MAP3K4: variants seen among roughly 807,000 people sequenced by gnomAD.
MAP3K4 encodes the protein mitogen-activated protein kinase kinase kinase 4.
A neutral mutation model predicts 185.6 loss-of-function variants in MAP3K4; 67 were observed. That is an observed-to-expected ratio of 0.36 (90% CI 0.30 to 0.44). The LOEUF is 0.44. MAP3K4 is among the 20% of genes least tolerant of loss of function. The pLI is 1.00. For synonymous variants in MAP3K4, 702 were observed against 710.4 expected, an observed-to-expected ratio of 0.99 and a Z score of 0.19; for missense variants, 1,551 against 1,995.1, an observed-to-expected ratio of 0.78 and a Z score of 4.24.
chr6:161,089,012 A>G (rs1403841238), intron 10 of MAP3K4, among the ~76,000 whole-genome samples: 1 of 151,588 alleles, frequency 6.6e-6, no homozygotes, highest in African/African-American at 2.4e-5. Context: ...ACACATGCAC[A>G]CATACACACA....
In MAP3K4 at chr6:161,071,027, C is replaced by T. The variant is rs983325781; in HGVS notation, c.1950+177C>T. On this transcript the variant is annotated intron_variant, in intron 4 of 26. Transcript: ENST00000392142. The surrounding 1 kb of genome is among the most constrained non-coding windows in gnomAD (Gnocchi z 4.6). ...GGTAATTAAAAATGTTCTTTATATGCGGTCCTCAAAGGTAAGATTGTGGTT... is the reference window on the plus strand; with the variant it reads ...GGTAATTAAAAATGTTCTTTATATGTGGTCCTCAAAGGTAAGATTGTGGTT... 6.6e-6 allele frequency among the ~76,000 whole-genome samples: 1 copy of T among 151,880 alleles called. No homozygotes were observed. The highest frequency in any genetic ancestry group is 1.5e-5 in the Non-Finnish European group (1 of 67,990).
rs893310483 is a variant in MAP3K4 at position 161,063,413 on chromosome 6, T to G, written c.1708-7195T>G. ...GCTAGATTCTACTACAGTTCTTTTC[T>G]GTTGCTTATTTTTAAACATGATACT... is the stretch of plus-strand genomic sequence containing the variant. On this transcript the variant is annotated intron_variant, in intron 3 of 26. Coordinates refer to ENST00000392142, the MANE Select transcript of MAP3K4 (RefSeq NM_005922.4). The surrounding 1 kb of genome is among the most constrained non-coding windows in gnomAD (Gnocchi z 5.4). Among the ~76,000 whole-genome samples, 4 of 152,152 alleles carry G rather than the reference T, an allele frequency of 2.6e-5. No individual in the cohort carries two copies. The highest frequency in any genetic ancestry group is 2.9e-5 in the Non-Finnish European group (2 of 68,028).
rs1165740591 is a variant in MAP3K4 at position 161,051,166 on chromosome 6, A to T, written c.1707+1187A>T. Reference sequence around the variant, plus strand: ...TTCTTCCCAAATATTTCTGATCTGCAGTTGGTTGAATTCATGGATGTGGAA... The same window carrying T: ...TTCTTCCCAAATATTTCTGATCTGCTGTTGGTTGAATTCATGGATGTGGAA... On this transcript the variant is annotated intron_variant, in intron 3 of 26. Coordinates refer to ENST00000392142, the MANE Select transcript of MAP3K4 (RefSeq NM_005922.4). The surrounding 1 kb of genome is among the most constrained non-coding windows in gnomAD (Gnocchi z 4.2). Among the ~76,000 whole-genome samples the T allele has an allele frequency of 1.3e-5, 2 of 152,234 alleles. No homozygotes were observed. Among genetic ancestry groups the T allele is most frequent in the South Asian group, 4.1e-4 (2 of 4,830 alleles).
At position 161,070,954 on chromosome 6, in the gene MAP3K4, A is replaced by G. The variant is rs1316300540; in HGVS notation, c.1950+104A>G. On this transcript the variant is annotated intron_variant, in intron 4 of 26. Coordinates refer to ENST00000392142, the MANE Select transcript of MAP3K4 (RefSeq NM_005922.4). This position sits in a 1 kb window ranked among gnomAD's most constrained non-coding sequence, Gnocchi z 4.5. Reference sequence around the variant, plus strand: ...CCTTTTTTTTTCTTAATTGTCGCAAATAGTGAAAAATGACTGTTTGTCCAT... The same window carrying G: ...CCTTTTTTTTTCTTAATTGTCGCAAGTAGTGAAAAATGACTGTTTGTCCAT... The G allele has an allele frequency of 9.3e-7, 1 of 1,076,788 alleles. No individual in the cohort carries two copies. Among genetic ancestry groups the G allele is most frequent in the Non-Finnish European group, 1.3e-6 (1 of 777,370 alleles). 66.7% of individuals were successfully genotyped at this position (1,076,788 alleles called of 1,614,324 possible).
At chr6:160,994,897 C>T (rs1007443118) in intron 1 of MAP3K4, among the ~76,000 whole-genome samples, 1 of 152,182 alleles carries the variant, frequency 6.6e-6, no homozygotes, top group African/African-American at 2.4e-5. Flanking sequence ...GACAAGGTTT[C>T]ACCAAGTTGG....
chr6:160,992,225 G>A (rs1780750344), intron 1 of MAP3K4, 142 bp downstream of exon 1: 6 of 1,186,570 alleles, frequency 5.1e-6, no homozygotes, highest in South Asian at 3.5e-5. Context: ...GGAGGGGCGC[G>A]GTGCATCCCT....
Position 161,112,845 on chromosome 6 carries a change from G to T in MAP3K4, c.4626+71G>T. 1.0e-6 allele frequency: 1 copy of T among 986,956 alleles called. No individual in the cohort carries two copies. The allele number at this position is 986,956 out of a possible 1,614,324, so 61.1% of individuals were successfully genotyped here. ...TGTGCATTAACAGAACAGTAGTTAT[G>T]GATTGATTATTTATTACAAACACTG... On this transcript the variant is annotated intron_variant, in intron 25 of 26. Transcript: ENST00000392142. The surrounding 1 kb of genome is among the most constrained non-coding windows in gnomAD (Gnocchi z 5.1).
chr6:161,032,489 T>C (rs926947582), intron 1 of MAP3K4, among the ~76,000 whole-genome samples: 1 of 152,224 alleles, frequency 6.6e-6, no homozygotes, highest in East Asian at 1.9e-4. Flanking sequence ...ATTTTGTAAA[T>C]GTACACAGAG....
At chr6:161,068,439 T>A (rs1199499222) in intron 3 of MAP3K4, among the ~76,000 whole-genome samples, 1 of 152,160 alleles carries the variant, frequency 6.6e-6, no homozygotes, top group Non-Finnish European at 1.5e-5. Context: ...GGCAGGTTTG[T>A]TATGGGTAAA....
In MAP3K4 at chr6:161,057,789, C is replaced by G. The variant is rs186878276; in HGVS notation, c.1707+7810C>G. Among the ~76,000 whole-genome samples, 96 of 152,336 alleles carry G rather than the reference C, an allele frequency of 6.3e-4. 1 individual carries two copies. Among genetic ancestry groups the G allele is most frequent in the Non-Finnish European group, 1.1e-3 (76 of 68,030 alleles). On this transcript the variant is annotated intron_variant, in intron 3 of 26. Coordinates refer to ENST00000392142, the MANE Select transcript of MAP3K4 (RefSeq NM_005922.4). Reference sequence around the variant, plus strand: ...GTCTGATTTCATAAGATTACAAGAACTTTGTAATTGAATGACACACTAACA... The same window carrying G: ...GTCTGATTTCATAAGATTACAAGAAGTTTGTAATTGAATGACACACTAACA...
At chr6:161,015,717 T>C (rs1020513588) in intron 1 of MAP3K4, among the ~76,000 whole-genome samples, 3 of 152,030 alleles carry the variant, frequency 2.0e-5, no homozygotes, top group African/African-American at 7.2e-5. Context: ...GGTGCCAGGC[T>C]CGTTTTAACA....
chr6:161,057,885 G>A (rs1377562173), intron 3 of MAP3K4, among the ~76,000 whole-genome samples: 8 of 152,212 alleles, frequency 5.3e-5, no homozygotes, highest in Non-Finnish European at 1.2e-4. Flanking sequence ...AGGAAAGTAG[G>A]AAGTTGTGTA....
rs3798914 is a variant in MAP3K4, at chr6:161,071,211, T to C, written c.1950+361T>C. Among the ~76,000 whole-genome samples the C allele has an allele frequency of 6.6e-6, 1 of 152,164 alleles. No individual in the cohort carries two copies. The highest frequency in any genetic ancestry group is 2.4e-5 in the African/African-American group (1 of 41,424). On this transcript the variant is annotated intron_variant, in intron 4 of 26. Coordinates refer to ENST00000392142, the MANE Select transcript of MAP3K4 (RefSeq NM_005922.4). This position sits in a 1 kb window ranked among gnomAD's most constrained non-coding sequence, Gnocchi z 4.6. ...CATGTAAACAGATAAATGTCTAGAA[T>C]AGGCATGGGGAGGGGTTTGGACTTT...
chr6:161,073,065 T>C lies in MAP3K4; in HGVS notation c.1951-401T>C, dbSNP rs1357700341. ...CTTTGTGGTAAAAAGTACCTTTGAA[T>C]CTTTATTATGTTTTTGATCATTAGG... On this transcript the variant is annotated intron_variant, in intron 4 of 26. Coordinates refer to ENST00000392142, the MANE Select transcript of MAP3K4 (RefSeq NM_005922.4). This position sits in a 1 kb window ranked among gnomAD's most constrained non-coding sequence, Gnocchi z 4.2. 6.6e-6 allele frequency among the ~76,000 whole-genome samples: 1 copy of C among 152,218 alleles called. No homozygotes were observed. The highest frequency in any genetic ancestry group is 1.5e-5 in the Non-Finnish European group (1 of 68,036).
At chr6:161,024,650 T>C (rs1489367009) in intron 1 of MAP3K4, among the ~76,000 whole-genome samples, 1 of 152,186 alleles carries the variant, frequency 6.6e-6, no homozygotes, top group African/African-American at 2.4e-5. Flanking sequence ...AGTTTGAGGT[T>C]ACGGGTTTTT....
chr6:160,995,452 A>G (rs991580491), intron 1 of MAP3K4, among the ~76,000 whole-genome samples: 1 of 152,212 alleles, frequency 6.6e-6, no homozygotes, highest in Non-Finnish European at 1.5e-5. Context: ...CTGTGCAGCA[A>G]GTGTGCCATC....
At position 161,065,512 on chromosome 6, in the gene MAP3K4, A is replaced by T. The variant is rs574332261; in HGVS notation, c.1708-5096A>T. Among the ~76,000 whole-genome samples the T allele has an allele frequency of 5.9e-5, 9 of 152,332 alleles. No homozygotes were observed. The South Asian group carries it at 1.0e-3, about 18-fold the overall frequency. On this transcript the variant is annotated intron_variant, in intron 3 of 26. Coordinates refer to ENST00000392142, the MANE Select transcript of MAP3K4 (RefSeq NM_005922.4). ...CTTAAAATTGTGTTTTTAATATTTC[A>T]TTCTAGAACTCGAATTGTAGTCAGT...
chr6:161,050,034 G>T, intron 3 of MAP3K4, 55 bp downstream of exon 3: 1 of 1,466,802 alleles, frequency 6.8e-7, no homozygotes, highest in South Asian at 1.4e-5. Flanking sequence ...TTTATTTATT[G>T]CAAATTATAA....
Position 161,054,599 on chromosome 6 carries a change from A to G in MAP3K4, c.1707+4620A>G, listed in dbSNP as rs1784154937. 6.6e-6 allele frequency among the ~76,000 whole-genome samples: 1 copy of G among 152,252 alleles called. No homozygotes were observed. Among genetic ancestry groups the G allele is most frequent in the South Asian group, 2.1e-4 (1 of 4,832 alleles). ...CCTTTAATGATTTGTTCAAAATTAT[A>G]TGAAGTTGTAGCTCTGTACCTTCTG... On this transcript the variant is annotated intron_variant, in intron 3 of 26. Transcript: ENST00000392142. The surrounding 1 kb of genome is among the most constrained non-coding windows in gnomAD (Gnocchi z 4.2).
Sources: gnomAD v4.1 joint callset for allele counts (sites outside exome capture counted in the v4.1 genomes callset) on GRCh38, gnomAD v4.1.1 for gene constraint, Gnocchi (gnomAD v3.1) non-coding constraint, MANE v1.5 for transcripts, NCBI Gene and HGNC (gene_info 2026-07-23, HGNC 2026-07-21) for gene names.